Variants in STX1B observed in about 807,000 individuals in gnomAD.
The protein encoded by STX1B is syntaxin 1B, also known as syntaxin-1B.
Under a neutral mutation model 39.4 loss-of-function variants are expected in STX1B, and 7 were observed. That is an observed-to-expected ratio of 0.18 (90% CI 0.10 to 0.33). STX1B has a LOEUF of 0.33. STX1B is among the 10% of genes least tolerant of loss of function. The probability of loss-of-function intolerance (pLI) is 1.00; values close to 1 mark genes in which losing one functional copy is unlikely to be tolerated. For missense variants in STX1B, 198 were observed against 383.2 expected (o/e 0.52, Z 4.04); for synonymous variants, 136 against 144.1 (o/e 0.94, Z 0.40).
intron 1 of STX1B, among the ~76,000 whole-genome samples, chr16:31,008,739 C>T (rs780238614): frequency 1.3e-5 from 2 of 152,180 alleles, no homozygotes; most frequent in African/African-American, 2.4e-5. Flanking sequence ...AGCACCGATG[C>T]TGAAGCCGGC....
chr16:30,997,457 C>T lies in STX1B; in HGVS notation c.354+45G>A, dbSNP rs371015898. On this transcript the variant is annotated intron_variant, in intron 5 of 9. Coordinates refer to ENST00000215095, the MANE Select transcript of STX1B (RefSeq NM_052874.5). Reference sequence around the variant, plus strand: ...GCCGGCCTCCAGCCTGGGCTCCTCCCGAGCTGGGTCCCGACCCGACCCCCA... The same window carrying T: ...GCCGGCCTCCAGCCTGGGCTCCTCCTGAGCTGGGTCCCGACCCGACCCCCA... 4.4e-5 allele frequency: 68 copies of T among 1,548,012 alleles called. No homozygotes were observed. In the African/African-American group the frequency reaches 7.5e-4, roughly 17 times the overall value.
Position 31,003,270 on chromosome 16 carries a change from T to C in STX1B, c.31-1667A>G, listed in dbSNP as rs769224695. Among the ~76,000 whole-genome samples the C allele has an allele frequency of 3.9e-5, 6 of 152,206 alleles. No homozygotes were observed. In the Middle Eastern group the frequency reaches 0.02, roughly 518 times the overall value. Reference sequence around the variant, plus strand: ...TTGAATTTCCAGACAATCCCAACCATCCGCCTGGAAAGGGAGTTTCCTCTG... The same window carrying C: ...TTGAATTTCCAGACAATCCCAACCACCCGCCTGGAAAGGGAGTTTCCTCTG... On this transcript the variant is annotated intron_variant, in intron 1 of 9. Coordinates refer to ENST00000215095, the MANE Select transcript of STX1B (RefSeq NM_052874.5).
At position 30,993,104 on chromosome 16, in the gene STX1B, A is replaced by G. The variant is rs1350372583; in HGVS notation, c.786+26T>C. On this transcript the variant is annotated intron_variant, in intron 9 of 9. Coordinates refer to ENST00000215095, the MANE Select transcript of STX1B (RefSeq NM_052874.5). ...GGCTCAGCCTTGGGCTCCCCCGCCTACCCCCAGGCCGCCTGCCCCGCTCAC... is the reference window on the plus strand; with the variant it reads ...GGCTCAGCCTTGGGCTCCCCCGCCTGCCCCCAGGCCGCCTGCCCCGCTCAC... The G allele has an allele frequency of 1.0e-5, 16 of 1,607,502 alleles. No homozygotes were observed. In the East Asian group the frequency reaches 2.5e-4, roughly 25 times the overall value.
chr16:30,994,953 C>A (rs1226036865), intron 7 of STX1B, among the ~76,000 whole-genome samples: 1 of 108,654 alleles, frequency 9.2e-6, no homozygotes, highest in Non-Finnish European at 1.8e-5. Flanking sequence ...GCTCTGTCAC[C>A]TAGGCTGGAG....
At chr16:30,999,158 G>C (rs1216297455) in intron 4 of STX1B, among the ~76,000 whole-genome samples, 1 of 152,194 alleles carries the variant, frequency 6.6e-6, no homozygotes, top group Non-Finnish European at 1.5e-5. Flanking sequence ...GCTGATGGTG[G>C]AGGTTAGACT....
rs888455265 is a variant in STX1B, at chr16:30,989,650, G to C, written c.*3171C>G. The C allele has an allele frequency of 7.9e-5, 12 of 152,530 alleles. No homozygotes were observed. The highest frequency in any genetic ancestry group is 1.5e-4 in the Non-Finnish European group (10 of 68,270). 9.4% of individuals were successfully genotyped at this position (152,530 alleles called of 1,614,324 possible). Reference sequence around the variant, plus strand: ...GCCAACGCACACGGCTGCACAGCGGGCAGGGGCGGTTAGGGGAAAGGGAGC... The same window carrying C: ...GCCAACGCACACGGCTGCACAGCGGCCAGGGGCGGTTAGGGGAAAGGGAGC... On this transcript the variant is annotated 3_prime_UTR_variant, in exon 10 of 10. Coordinates refer to ENST00000215095, the MANE Select transcript of STX1B (RefSeq NM_052874.5).
At chr16:30,997,905 G>A (rs1398264994) in intron 4 of STX1B, among the ~76,000 whole-genome samples, 1 of 152,214 alleles carries the variant, frequency 6.6e-6, no homozygotes, top group Non-Finnish European at 1.5e-5. Flanking sequence ...CTCCATGAGG[G>A]CGTGCCGGCC....
Position 31,010,354 on chromosome 16 carries a change from C to A in STX1B, c.30+13G>T. On this transcript the variant is annotated intron_variant, in intron 1 of 9. Transcript: ENST00000215095. ...GGGTCCCGCCCCCCCATTCTCCCCA[C>A]CCCCAAGCTCACACTCCGCAGCTCT... 1 of 1,483,008 alleles carries A rather than the reference C, an allele frequency of 6.7e-7. No homozygotes were observed. The highest frequency in any genetic ancestry group is 9.1e-7 in the Non-Finnish European group (1 of 1,102,458). 91.9% of individuals were successfully genotyped at this position (1,483,008 alleles called of 1,614,324 possible).
Position 30,996,510 on chromosome 16 carries a change from G to A in STX1B, c.537+173C>T, listed in dbSNP as rs779516246. 1.1e-5 allele frequency: 7 copies of A among 621,036 alleles called. No homozygotes were observed. In the South Asian group the frequency reaches 1.3e-4, roughly 12 times the overall value. 38.5% of individuals were successfully genotyped at this position (621,036 alleles called of 1,614,324 possible). ...CAGTGCCTGGCACACGAACGACTCCGTCATCTGATGGGGGTGCCTTCCTGC... is the reference window on the plus strand; with the variant it reads ...CAGTGCCTGGCACACGAACGACTCCATCATCTGATGGGGGTGCCTTCCTGC... On this transcript the variant is annotated intron_variant, in intron 7 of 9. Coordinates refer to ENST00000215095, the MANE Select transcript of STX1B (RefSeq NM_052874.5).
chr16:30,999,426 A>AG (rs2056612227), intron 4 of STX1B, among the ~76,000 whole-genome samples: 2 of 152,182 alleles, frequency 1.3e-5, no homozygotes, highest in African/African-American at 4.8e-5. Context: ...GGTGCTCAGC[A>AG]TATGTTTTCT....
At chr16:31,008,746 C>T (rs946500594) in intron 1 of STX1B, among the ~76,000 whole-genome samples, 10 of 152,160 alleles carry the variant, frequency 6.6e-5, no homozygotes, top group Non-Finnish European at 1.2e-4. Flanking sequence ...ATGCTGAAGC[C>T]GGCCTGCCTG....
At chr16:31,009,482 T>C (rs1263832928) in intron 1 of STX1B, among the ~76,000 whole-genome samples, 1 of 151,930 alleles carries the variant, frequency 6.6e-6, no homozygotes, top group African/African-American at 2.4e-5. Context: ...TGCTGCCTCC[T>C]CGGGCCCCAG....
At chr16:31,010,137 C>T (rs2056673500) in intron 1 of STX1B, among the ~76,000 whole-genome samples, 4 of 152,112 alleles carry the variant, frequency 2.6e-5, no homozygotes, top group Admixed American at 1.3e-4. Context: ...GCCCCTGAGA[C>T]CTCTCCTGCC....
At position 31,010,371 on chromosome 16, in the gene STX1B, C is replaced by A; in HGVS notation, c.26G>T (p.Arg9Leu). 6.7e-7 allele frequency: 1 copy of A among 1,503,064 alleles called. No individual in the cohort carries two copies. Among genetic ancestry groups the A allele is most frequent in the African/African-American group, 1.4e-5 (1 of 72,250 alleles). 93.1% of individuals were successfully genotyped at this position (1,503,064 alleles called of 1,614,324 possible). ...TCTCCCCACCCCCAAGCTCACACTC[C>A]GCAGCTCTTGAGTCCGATCCTTCAT... MKDRTQEL[R>L]SAKDSDDEEE... Residue 9 changes from arginine (R) to leucine (L), a missense_variant, in exon 1 of 10, where the codon CGG becomes CTG. By Grantham distance (102) the Arg-to-Leu change is moderately radical. Coordinates refer to ENST00000215095, the MANE Select transcript of STX1B (RefSeq NM_052874.5).
At chr16:31,005,571 G>T (rs887031832) in intron 1 of STX1B, among the ~76,000 whole-genome samples, 1 of 139,164 alleles carries the variant, frequency 7.2e-6, no homozygotes, top group African/African-American at 2.6e-5. Context: ...GCCTCCCAAA[G>T]CGCTGGGATG....
At chr16:31,002,731 T>C (rs2056637031) in intron 1 of STX1B, among the ~76,000 whole-genome samples, 1 of 152,124 alleles carries the variant, frequency 6.6e-6, no homozygotes. Context: ...CTTAATGACA[T>C]CTGGAGCCCT....
In STX1B at chr16:31,001,679, C is replaced by T; in HGVS notation, c.31-76G>A. The T allele has an allele frequency of 1.7e-6, 2 of 1,175,572 alleles. No individual in the cohort carries two copies. Among genetic ancestry groups the T allele is most frequent in the Non-Finnish European group, 2.5e-6 (2 of 806,870 alleles). 72.8% of individuals were successfully genotyped at this position (1,175,572 alleles called of 1,614,324 possible). A position where few individuals can be genotyped will look rare whatever the true frequency, so the allele number is the denominator to read the frequency against. On this transcript the variant is annotated intron_variant, in intron 1 of 9. Transcript: ENST00000215095. The surrounding 1 kb of genome is among the most constrained non-coding windows in gnomAD (Gnocchi z 5.5). ...AGGCTGGCTCTCCAGCTCTCCCACC[C>T]TCTCCCTGCTATGCACACACAGGTG...
chr16:30,995,335 T>C (rs1326689501), intron 7 of STX1B, among the ~76,000 whole-genome samples: 1 of 152,240 alleles, frequency 6.6e-6, no homozygotes, highest in Middle Eastern at 3.4e-3. Context: ...TGAAAACTTT[T>C]AAGACAGTCA....
intron 1 of STX1B, among the ~76,000 whole-genome samples, chr16:31,004,905 G>A (rs1453932041): frequency 6.6e-6 from 1 of 152,182 alleles, no homozygotes; most frequent in East Asian, 1.9e-4. Flanking sequence ...GGCACTAAAT[G>A]TCAGGCTCTC....
Sources: gnomAD v4.1 joint callset for allele counts (sites outside exome capture counted in the v4.1 genomes callset) on GRCh38, gnomAD v4.1.1 for gene constraint, Gnocchi (gnomAD v3.1) non-coding constraint, MANE v1.5 for transcripts, NCBI Gene and HGNC (gene_info 2026-07-23, HGNC 2026-07-21) for gene names.